The following CLEC16A variants were observed in gnomAD, a reference collection of about 807,000 sequenced individuals.
CLEC16A encodes the protein protein CLEC16A.
CLEC16A carries 51 observed loss-of-function variants against 109.5 expected under a neutral mutation model. The observed-to-expected ratio is 0.47, with a 90% CI of 0.37 to 0.59. The LOEUF (loss-of-function observed/expected upper bound fraction) is 0.59, where lower values mean the gene tolerates loss of function less well. Ranked by LOEUF, CLEC16A falls within the 20% of genes least tolerant of loss-of-function variation. The pLI, the probability that CLEC16A is intolerant of heterozygous loss-of-function variation, is 0.00. For missense variants in CLEC16A, 1,339 were observed against 1,394.0 expected, an observed-to-expected ratio of 0.96 and a Z score of 0.63; for synonymous variants, 673 against 564.2, an observed-to-expected ratio of 1.19 and a Z score of -2.73.
At chr16:11,020,809 T>G (rs2046054646) in intron 12 of CLEC16A, among the ~76,000 whole-genome samples, 2 of 152,248 alleles carry the variant, frequency 1.3e-5, no homozygotes, top group African/African-American at 4.8e-5. Context: ...TTTGCCTGAT[T>G]GTTCATTTCA....
At chr16:10,948,882 A>G (rs900451566) in intron 1 of CLEC16A, among the ~76,000 whole-genome samples, 3 of 152,200 alleles carry the variant, frequency 2.0e-5, no homozygotes, top group Non-Finnish European at 4.4e-5. Context: ...TCCTGAGGAA[A>G]AAGAGAGCTT....
At chr16:11,099,243 A>G (rs1389259924) in intron 19 of CLEC16A, among the ~76,000 whole-genome samples, 1 of 152,246 alleles carries the variant, frequency 6.6e-6, no homozygotes, top group Non-Finnish European at 1.5e-5. Context: ...GACGTGGAGC[A>G]GAGCTGTTTC....
intron 19 of CLEC16A, among the ~76,000 whole-genome samples, chr16:11,091,861 A>G (rs572736408): frequency 3.3e-4 from 50 of 152,012 alleles, no homozygotes; most frequent in Non-Finnish European, 6.5e-4. Flanking sequence ...CTCGTAAGTT[A>G]CCCCACTTTT....
chr16:10,947,484 T>TC (rs1379188324), intron 1 of CLEC16A, among the ~76,000 whole-genome samples: 8 of 152,156 alleles, frequency 5.3e-5, no homozygotes, highest in African/African-American at 1.9e-4. Flanking sequence ...GCGCGGGTTC[T>TC]CCAAGAATGA....
chr16:11,148,876 A>G (rs953342996), intron 22 of CLEC16A, among the ~76,000 whole-genome samples: 12 of 152,256 alleles, frequency 7.9e-5, no homozygotes, highest in Admixed American at 2.0e-4. Context: ...AAGAGCCACA[A>G]AAGAGAAGCT....
intron 13 of CLEC16A, chr16:11,026,936 G>A (rs9927300): frequency 0.074 from 84,550 of 1,137,296 alleles, 3,534 homozygotes; most frequent in African/African-American, 0.12. Flanking sequence ...AGCTAGAACA[G>A]ACGTCTCTAT....
chr16:11,055,252 G>A (rs1367609565), intron 18 of CLEC16A, among the ~76,000 whole-genome samples: 1 of 152,186 alleles, frequency 6.6e-6, no homozygotes, highest in Non-Finnish European at 1.5e-5. Context: ...CAGAGCTCTG[G>A]AGGAAAGAAA....
chr16:11,141,877 G>A (rs1567383089), intron 22 of CLEC16A, among the ~76,000 whole-genome samples: 1 of 152,240 alleles, frequency 6.6e-6, no homozygotes, highest in Non-Finnish European at 1.5e-5. Context: ...AGTAACCGCA[G>A]AGCGTAGTGA....
In CLEC16A at chr16:10,979,324, A is replaced by G. The variant is rs1305019757; in HGVS notation, c.904-5A>G. ...CTCTCTCTCTCTCCTGCCACCCTGC[A>G]CTAGGGAGGAGAACGGCCGAAAATT... On this transcript the variant is annotated splice_polypyrimidine_tract_variant and splice_region_variant and intron_variant, in intron 8 of 23. Coordinates refer to ENST00000409790, the MANE Select transcript of CLEC16A (RefSeq NM_015226.3). The G allele has an allele frequency of 1.2e-6, 2 of 1,611,246 alleles. No individual in the cohort carries two copies. The highest frequency in any genetic ancestry group is 1.3e-5 in the African/African-American group (1 of 74,956).
intron 4 of CLEC16A, 66 bp from the exon 5 acceptor site, chr16:10,971,059 A>G: frequency 6.5e-6 from 5 of 770,324 alleles, no homozygotes; most frequent in South Asian, 1.8e-5. Context: ...GAATTCAGAG[A>G]GTTGGGGTGG....
intron 2 of CLEC16A, among the ~76,000 whole-genome samples, chr16:10,960,877 C>A (rs1409117114): frequency 6.6e-6 from 1 of 152,194 alleles, no homozygotes; most frequent in East Asian, 1.9e-4. Flanking sequence ...CTCTTTCAGG[C>A]TGGTTCTTGT....
intron 22 of CLEC16A, among the ~76,000 whole-genome samples, chr16:11,138,238 T>A (rs952017478): frequency 1.3e-5 from 2 of 152,062 alleles, no homozygotes; most frequent in East Asian, 3.8e-4. Context: ...AAGCCTGGGG[T>A]CAGGGGGAGG....
chr16:10,998,414 G>A (rs2044458878), intron 10 of CLEC16A, among the ~76,000 whole-genome samples: 2 of 152,234 alleles, frequency 1.3e-5, no homozygotes, highest in South Asian at 4.1e-4. Flanking sequence ...GCACCTGGGA[G>A]ATGAGCGCGT....
intron 17 of CLEC16A, among the ~76,000 whole-genome samples, chr16:11,050,595 G>A (rs1429481479): frequency 1.3e-5 from 2 of 152,268 alleles, no homozygotes. Flanking sequence ...TACTGATGCA[G>A]CAGAGATCTG....
chr16:11,009,714 A>G (rs1597026008), intron 11 of CLEC16A, among the ~76,000 whole-genome samples: 2 of 152,334 alleles, frequency 1.3e-5, no homozygotes, highest in East Asian at 3.9e-4. Context: ...GGCAGTGCAA[A>G]GAAAAGAGCC....
At chr16:10,996,724 C>T (rs1198204598) in intron 10 of CLEC16A, among the ~76,000 whole-genome samples, 1 of 152,068 alleles carries the variant, frequency 6.6e-6, no homozygotes, top group Non-Finnish European at 1.5e-5. Context: ...CACCAGGATT[C>T]ACCTGTCTGG....
chr16:11,169,333 C>A (rs942562751), intron 23 of CLEC16A, among the ~76,000 whole-genome samples: 11 of 152,318 alleles, frequency 7.2e-5, no homozygotes, highest in African/African-American at 2.6e-4. Flanking sequence ...GTTGCCCAGG[C>A]TGAAGTGCAG....
intron 10 of CLEC16A, among the ~76,000 whole-genome samples, chr16:10,994,805 G>T (rs2044234973): frequency 6.6e-6 from 1 of 152,206 alleles, no homozygotes; most frequent in Non-Finnish European, 1.5e-5. Context: ...CATTTTTGTT[G>T]CAAAGAGCTA....
chr16:11,073,825 G>T (rs1238540418), intron 19 of CLEC16A, among the ~76,000 whole-genome samples: 1 of 152,226 alleles, frequency 6.6e-6, no homozygotes, highest in African/African-American at 2.4e-5. Flanking sequence ...TTCTTGGATT[G>T]AACTGATTAA....
Sources: allele counts gnomAD v4.1 joint callset (sites outside exome capture counted in the v4.1 genomes callset), GRCh38; gene constraint gnomAD v4.1.1; transcripts MANE v1.5; gene names NCBI Gene and HGNC (gene_info 2026-07-23, HGNC 2026-07-21).